The following NEDD9 variants were observed in gnomAD, a reference collection of about 807,000 sequenced individuals.
NEDD9 encodes the protein enhancer of filamentation 1.
Under a neutral mutation model 76.6 loss-of-function variants are expected in NEDD9, and 26 were observed. That is an observed-to-expected ratio of 0.34 (90% CI 0.25 to 0.47). The LOEUF (loss-of-function observed/expected upper bound fraction) is 0.47. Among genes scored for constraint, NEDD9 ranks in the 20% least tolerant of loss-of-function variants. The pLI, the probability that NEDD9 is intolerant of heterozygous loss-of-function variation, is 1.00. For synonymous variants in NEDD9, 392 were observed against 414.2 expected (o/e 0.95, Z 0.65); for missense variants, 937 against 1,058.5 (o/e 0.89, Z 1.59).
chr6:11,363,477 G>T (rs76638500), intron 1 of NEDD9, among the ~76,000 whole-genome samples: 2 of 151,982 alleles, frequency 1.3e-5, no homozygotes, highest in East Asian at 1.9e-4. Context: ...CTCATGGAAT[G>T]GGGGGGAAGT....
intron 3 of NEDD9, among the ~76,000 whole-genome samples, chr6:11,279,992 T>C (rs1561814932): frequency 1.3e-5 from 2 of 152,204 alleles, no homozygotes; most frequent in African/African-American, 2.4e-5. Context: ...GCTCAGCTCC[T>C]GCCTGGGCAG....
At chr6:11,339,716 G>A (rs1046488774) in intron 1 of NEDD9, among the ~76,000 whole-genome samples, 2 of 152,096 alleles carry the variant, frequency 1.3e-5, no homozygotes, top group Non-Finnish European at 2.9e-5. Flanking sequence ...GTGACCTGTG[G>A]GCCATTATTC....
intron 1 of NEDD9, among the ~76,000 whole-genome samples, chr6:11,359,925 CA>C (rs1436198409): frequency 1.3e-5 from 2 of 152,122 alleles, no homozygotes; most frequent in East Asian, 3.9e-4. Context: ...ACAGTTGTGT[CA>C]AAAAAATAAA....
intron 3 of NEDD9, among the ~76,000 whole-genome samples, chr6:11,283,092 T>G (rs1488179000): frequency 6.6e-6 from 1 of 152,232 alleles, no homozygotes; most frequent in Non-Finnish European, 1.5e-5. Flanking sequence ...ACCTGGAATG[T>G]TCTACTAGCT....
At chr6:11,319,767 T>C (rs1247966120) in intron 2 of NEDD9, among the ~76,000 whole-genome samples, 8 of 120,034 alleles carry the variant, frequency 6.7e-5, no homozygotes, top group African/African-American at 2.1e-4. Context: ...CACACTAACA[T>C]GCACACTCAC....
chr6:11,327,598 T>A (rs1231040239), intron 2 of NEDD9, among the ~76,000 whole-genome samples: 1 of 152,232 alleles, frequency 6.6e-6, no homozygotes, highest in Admixed American at 6.5e-5. Context: ...TAGTCTTCTC[T>A]GATCACCTGA....
intron 3 of NEDD9, among the ~76,000 whole-genome samples, chr6:11,292,367 T>G (rs184859754): frequency 4.6e-5 from 7 of 152,356 alleles, no homozygotes; most frequent in African/African-American, 7.2e-5. Flanking sequence ...CAGTGTAATT[T>G]CTGCAATGCA....
exon 3 of NEDD9, chr6:11,306,028 C>G: frequency 1.2e-6 from 2 of 1,613,918 alleles, no homozygotes; most frequent in Non-Finnish European, 1.7e-6. Flanking sequence ...TGATGCAGCT[C>G]TGGATGTTGG....
rs1759869284 is a variant in NEDD9, at chr6:11,249,350, T to A, written c.13-35623A>T. 1.0e-4 allele frequency: 37 copies of A among 369,362 alleles called. 1 individual carries two copies. The highest frequency in any genetic ancestry group is 7.8e-4 in the South Asian group (37 of 47,726). The allele number at this position is 369,362 out of a possible 1,614,324, so 22.9% of individuals were successfully genotyped here. A position where few individuals can be genotyped will look rare whatever the true frequency, so the allele number is the denominator to read the frequency against. On this transcript the variant is annotated intron_variant, in intron 3 of 3. Coordinates refer to the NEDD9 transcript ENST00000397378. ...TAGAATTCCTGGGTTGGTTCAGGGC[T>A]CTATAAAGTCTGTAGAGACCCAGGT...
At chr6:11,193,774 C>T in intron 2 of NEDD9, 82 bp from the exon 3 acceptor site, 1 of 816,984 alleles carries the variant, frequency 1.2e-6, no homozygotes, top group Non-Finnish European at 2.0e-6. Context: ...GCACTCATCC[C>T]TCAACTCTCC....
chr6:11,210,195 T>C (rs1437354991), intron 2 of NEDD9, among the ~76,000 whole-genome samples: 1 of 152,106 alleles, frequency 6.6e-6, no homozygotes, highest in Admixed American at 6.5e-5. Context: ...CTCAATAAGA[T>C]GCAGATTCCT....
At chr6:11,265,615 T>C (rs982178738) in intron 3 of NEDD9, among the ~76,000 whole-genome samples, 1 of 152,198 alleles carries the variant, frequency 6.6e-6, no homozygotes, top group African/African-American at 2.4e-5. Context: ...AAGGCAATTC[T>C]TTTGGAGGCA....
chr6:11,349,664 C>T lies in NEDD9; in HGVS notation c.-213-15103G>A, dbSNP rs118187087. ...AAGCCATTATCCTCAGCATACTAAT[C>T]GGGAACAGAAAACCAAACACTGCAT... On this transcript the variant is annotated intron_variant, in intron 1 of 3. Transcript: ENST00000397378. Among the ~76,000 whole-genome samples the T allele has an allele frequency of 1.4e-4, 21 of 152,220 alleles. No homozygotes were observed. In the East Asian group the frequency reaches 2.1e-3, roughly 15 times the overall value.
chr6:11,213,345 T>C lies in NEDD9; in HGVS notation c.395A>G (p.Tyr132Cys). ...TCTCTGCACTGATGGTGGCACCTGA[T>C]ATACCTCTTGTTCTTGGGTGCCGTG... ...TGHGTQEQEV[Y>C]QVPPSVQRSI... The change falls in exon 2 of 7, where the codon TAT becomes TGT. Residue 132 changes from tyrosine to cysteine, a missense_variant. Coordinates refer to ENST00000379446, the MANE Select transcript of NEDD9 (RefSeq NM_006403.4). This position sits in a 1 kb window ranked among gnomAD's most constrained non-coding sequence, Gnocchi z 5.4. The C allele has an allele frequency of 6.2e-7, 1 of 1,614,156 alleles. No homozygotes were observed. The highest frequency in any genetic ancestry group is 8.5e-7 in the Non-Finnish European group (1 of 1,180,022).
At chr6:11,253,743 G>A (rs984175173) in intron 3 of NEDD9, among the ~76,000 whole-genome samples, 2 of 152,128 alleles carry the variant, frequency 1.3e-5, no homozygotes, top group African/African-American at 4.8e-5. Flanking sequence ...TATACTTTAA[G>A]TGCATATGTG....
chr6:11,339,003 A>C (rs1417431800), intron 1 of NEDD9, among the ~76,000 whole-genome samples: 1 of 152,066 alleles, frequency 6.6e-6, no homozygotes, highest in Non-Finnish European at 1.5e-5. Context: ...GAGAAATAAA[A>C]CTATCTGGAT....
chr6:11,336,627 C>T (rs1297862570), intron 1 of NEDD9, among the ~76,000 whole-genome samples: 4 of 152,122 alleles, frequency 2.6e-5, no homozygotes, highest in Admixed American at 1.3e-4. Context: ...CGGACATTAC[C>T]GTACACTACT....
intron 1 of NEDD9, among the ~76,000 whole-genome samples, chr6:11,368,106 C>A (rs1004160300): frequency 2.0e-5 from 3 of 152,204 alleles, no homozygotes; most frequent in Non-Finnish European, 4.4e-5. Context: ...TTGGAAGCTA[C>A]TGTGCGCAGT....
intron 3 of NEDD9, among the ~76,000 whole-genome samples, chr6:11,293,133 G>A (rs1437910388): frequency 6.6e-6 from 1 of 151,482 alleles, no homozygotes; most frequent in Non-Finnish European, 1.5e-5. Context: ...AAGGGGAAGG[G>A]AACAAATGCT....
Sources: gnomAD v4.1 joint callset for allele counts (sites outside exome capture counted in the v4.1 genomes callset) on GRCh38, gnomAD v4.1.1 for gene constraint, Gnocchi (gnomAD v3.1) non-coding constraint, MANE v1.5 for transcripts, NCBI Gene and HGNC (gene_info 2026-07-23, HGNC 2026-07-21) for gene names.